OXR1: variants seen among roughly 807,000 people sequenced by gnomAD.
OXR1 encodes the protein oxidation resistance protein 1.
In OXR1, 41 loss-of-function variants were observed where a neutral mutation model predicts 104.6. That is an observed-to-expected ratio of 0.39 (90% CI 0.31 to 0.51). The LOEUF is 0.51. Ranked by LOEUF, OXR1 falls within the 20% of genes least tolerant of loss-of-function variation. OXR1 has a pLI of 0.77. For synonymous variants in OXR1, 348 were observed against 348.4 expected, an observed-to-expected ratio of 1.00 and a Z score of 0.01; for missense variants, 955 against 1,031.9, an observed-to-expected ratio of 0.93 and a Z score of 1.02.
intron 3 of OXR1, among the ~76,000 whole-genome samples, chr8:106,559,337 T>C (rs924519356): frequency 6.6e-6 from 1 of 152,216 alleles, no homozygotes; most frequent in African/African-American, 2.4e-5. Flanking sequence ...TCTAAGAAGA[T>C]TGAGGCTTTC....
Position 106,710,678 on chromosome 8 carries a change from A to C in OXR1, c.1681A>C (p.Arg561=), listed in dbSNP as rs766273619. 2 of 1,604,058 alleles carry C rather than the reference A, an allele frequency of 1.2e-6. No homozygotes were observed. Among genetic ancestry groups the C allele is most frequent in the Non-Finnish European group, 1.7e-6 (2 of 1,174,708 alleles). The part of the protein sequence containing the change: ...RHRLHKFLCL[R]VGKPMRKTFV... ...TCGATTACATAAGTTCTTGTGTCTCAGAGTTGGAAAACCAATGAGGAAAAC... is the reference window on the plus strand; with the variant it reads ...TCGATTACATAAGTTCTTGTGTCTCCGAGTTGGAAAACCAATGAGGAAAAC... The change falls in exon 10 of 17, where the codon AGA becomes CGA. Residue 561 remains arginine (R), a synonymous_variant. Transcript: ENST00000517566.
chr8:106,468,696 TA>T (rs751492415), intron 2 of OXR1, among the ~76,000 whole-genome samples: 4 of 151,736 alleles, frequency 2.6e-5, no homozygotes, highest in Non-Finnish European at 5.9e-5. Flanking sequence ...GATTTATGGT[TA>T]ATATGGGCTA....
chr8:106,477,606 C>G (rs1288065336), intron 2 of OXR1, among the ~76,000 whole-genome samples: 2 of 151,776 alleles, frequency 1.3e-5, no homozygotes, highest in Non-Finnish European at 2.9e-5. Flanking sequence ...ATATTTTATG[C>G]ATTTGTGACA....
chr8:106,700,306 A>G (rs1483795516), intron 7 of OXR1, among the ~76,000 whole-genome samples: 1 of 152,170 alleles, frequency 6.6e-6, no homozygotes, highest in African/African-American at 2.4e-5. Flanking sequence ...ATGATTTTCA[A>G]CTTGATCAAA....
rs561378382 is a variant in OXR1 at position 106,630,480 on chromosome 8, G to A, written c.221-48730G>A. ...ACTAGAAACTAAGTATTTTGATTCC[G>A]TACTATGTTGTTGTGTTTTATTTTT... On this transcript the variant is annotated intron_variant, in intron 3 of 16. Coordinates refer to ENST00000517566, the MANE Select transcript of OXR1 (RefSeq NM_001198533.2). Among the ~76,000 whole-genome samples the A allele has an allele frequency of 6.0e-4, 91 of 152,272 alleles. 5 individuals carry two copies. The South Asian group carries it at 0.014, about 24-fold the overall frequency.
intron 2 of OXR1, among the ~76,000 whole-genome samples, chr8:106,490,338 C>T (rs757199328): frequency 6.0e-5 from 9 of 150,326 alleles, no homozygotes; most frequent in East Asian, 1.9e-4. Flanking sequence ...TAGGAGGATG[C>T]GGTATTTGAT....
rs181944203 is a variant in OXR1, at chr8:106,689,923, C to T, written c.526-2805C>T. ...AAAGTAGTTTGAAAAGGTTAAATAT[C>T]GCCTGTGCTTCAGGAATTGCTTTCA... On this transcript the variant is annotated intron_variant, in intron 6 of 16. Transcript: ENST00000517566. Among the ~76,000 whole-genome samples, 12 of 151,796 alleles carry T rather than the reference C, an allele frequency of 7.9e-5. No homozygotes were observed. The East Asian group carries it at 1.5e-3, about 20-fold the overall frequency.
intron 2 of OXR1, among the ~76,000 whole-genome samples, chr8:106,456,085 T>G (rs1454741194): frequency 6.6e-6 from 1 of 152,252 alleles, no homozygotes; most frequent in Non-Finnish European, 1.5e-5. Flanking sequence ...GAGATCATTT[T>G]GTATTGTATG....
chr8:106,339,222 G>A (rs1031147111), intron 1 of OXR1, among the ~76,000 whole-genome samples: 4 of 151,934 alleles, frequency 2.6e-5, no homozygotes, highest in Admixed American at 6.6e-5. Context: ...TTGGCTGGGC[G>A]TGGTGGCTCA....
At chr8:106,309,263 T>A (rs2130124827) in intron 1 of OXR1, among the ~76,000 whole-genome samples, 1 of 152,330 alleles carries the variant, frequency 6.6e-6, no homozygotes, top group East Asian at 1.9e-4. Context: ...ATTACAGGTG[T>A]GAGCACTGCT....
intron 3 of OXR1, among the ~76,000 whole-genome samples, chr8:106,547,713 G>A (rs979340228): frequency 1.4e-4 from 22 of 152,034 alleles, no homozygotes; most frequent in African/African-American, 5.1e-4. Flanking sequence ...GGCTGGTCTC[G>A]AACTACTGAC....
intron 7 of OXR1, among the ~76,000 whole-genome samples, chr8:106,697,121 A>C (rs1563719706): frequency 1.3e-5 from 2 of 152,180 alleles, no homozygotes; most frequent in Non-Finnish European, 2.9e-5. Context: ...AGGGGGAAAA[A>C]GGAGAGACAG....
chr8:106,538,108 G>A (rs1482017151), intron 3 of OXR1, among the ~76,000 whole-genome samples: 1 of 152,084 alleles, frequency 6.6e-6, no homozygotes, highest in Non-Finnish European at 1.5e-5. Flanking sequence ...TGTGGTCCTG[G>A]ACCTGGGTCA....
chr8:106,277,866 G>A (rs993331610), intron 1 of OXR1, among the ~76,000 whole-genome samples: 3 of 152,184 alleles, frequency 2.0e-5, no homozygotes, highest in Non-Finnish European at 4.4e-5. Flanking sequence ...CCCTGGTCAG[G>A]TCAAGAGCCC....
intron 3 of OXR1, among the ~76,000 whole-genome samples, chr8:106,613,876 C>T (rs1202948334): frequency 6.6e-6 from 1 of 152,194 alleles, no homozygotes; most frequent in African/African-American, 2.4e-5. Flanking sequence ...CCCTTGCAGC[C>T]ATCCCCTGGA....
intron 2 of OXR1, among the ~76,000 whole-genome samples, chr8:106,397,866 A>G (rs1021780333): frequency 6.6e-6 from 1 of 152,154 alleles, no homozygotes; most frequent in Non-Finnish European, 1.5e-5. Context: ...GTATTGTCTC[A>G]CAGTTCTGGA....
chr8:106,726,474 G>C (rs541557182), intron 11 of OXR1, among the ~76,000 whole-genome samples: 35 of 152,016 alleles, frequency 2.3e-4, no homozygotes, highest in Non-Finnish European at 4.3e-4. Flanking sequence ...TTAATTCTGA[G>C]TATCTTCAAA....
Position 106,742,286 on chromosome 8 carries a change from C to T in OXR1, c.2381C>T (p.Thr794Ile), listed in dbSNP as rs775151647. The change falls in exon 15 of 17, where the codon ACC (threonine) becomes ATC (isoleucine). Residue 794 changes from threonine to isoleucine, a missense_variant. By Grantham distance (89) the Thr-to-Ile change is moderately conservative (BLOSUM62 -1). This residue lies in a region of OXR1 where 106 missense variants were observed against 179.0 expected (regional missense o/e 0.59). Transcript: ENST00000517566. ...GATGGCTTTTATGGTACTGGAGAGA[C>T]CTTTGTTTTTACATTCTGTCCGGAG... The part of the protein sequence containing the change: ...VSDGFYGTGE[T>I]FVFTFCPEFE... 6.2e-7 allele frequency: 1 copy of T among 1,609,678 alleles called. No homozygotes were observed. The highest frequency in any genetic ancestry group is 8.5e-7 in the Non-Finnish European group (1 of 1,176,620).
At chr8:106,726,154 G>T in intron 11 of OXR1, 1 of 1,463,250 alleles carries the variant, frequency 6.8e-7, no homozygotes, top group Non-Finnish European at 8.9e-7. Flanking sequence ...TAAGGCTCTA[G>T]TGCTGGAAAT....
Sources: gnomAD v4.1 joint callset for allele counts (sites outside exome capture counted in the v4.1 genomes callset) on GRCh38, gnomAD v4.1.1 for gene constraint, gnomAD v4.1.1 regional missense constraint, MANE v1.5 for transcripts, NCBI Gene and HGNC (gene_info 2026-07-23, HGNC 2026-07-21) for gene names.